DPY19L4: variants seen among roughly 807,000 people sequenced by gnomAD.
The protein encoded by DPY19L4 is probable C-mannosyltransferase DPY19L4.
Under a neutral mutation model 102.8 loss-of-function variants are expected in DPY19L4, and 97 were observed. That is an observed-to-expected ratio of 0.94 (90% CI 0.80 to 1.12). DPY19L4 has a LOEUF of 1.12. Among genes scored for constraint, DPY19L4 ranks in the 50% most tolerant of loss-of-function variants. The pLI, the probability that DPY19L4 is intolerant of heterozygous loss-of-function variation, is 0.00. For missense variants in DPY19L4, 815 were observed against 850.4 expected (o/e 0.96, Z 0.52); for synonymous variants, 252 against 283.1 (o/e 0.89, Z 1.10).
Position 94,719,950 on chromosome 8 carries a change from A to G in DPY19L4, c.-49A>G, listed in dbSNP as rs1308730329. 3 of 1,495,892 alleles carry G rather than the reference A, an allele frequency of 2.0e-6. No individual in the cohort carries two copies. The highest frequency in any genetic ancestry group is 2.7e-6 in the Non-Finnish European group (3 of 1,122,648). 92.7% of individuals were successfully genotyped at this position (1,495,892 alleles called of 1,614,324 possible). ...GGTTCGGCGACGCGGAGGGAGGGAG[A>G]GTCTGGGCCGCGCGGGAGCCGCAGG... On this transcript the variant is annotated 5_prime_UTR_variant, in exon 1 of 19. Transcript: ENST00000414645.
chr8:94,752,585 C>CAAA (rs370640228), intron 6 of DPY19L4, among the ~76,000 whole-genome samples: 17 of 80,156 alleles, frequency 2.1e-4, no homozygotes, highest in African/African-American at 5.1e-4. Flanking sequence ...GACTCCATCT[C>CAAA]AAAAAAAAAA....
At chr8:94,728,533 G>A (rs1280511660) in intron 2 of DPY19L4, among the ~76,000 whole-genome samples, 1 of 152,118 alleles carries the variant, frequency 6.6e-6, no homozygotes, top group Non-Finnish European at 1.5e-5. Context: ...TAAAAGTTGA[G>A]GCCTATATAT....
At chr8:94,770,062 A>G (rs1423858104) in intron 12 of DPY19L4, among the ~76,000 whole-genome samples, 1 of 151,682 alleles carries the variant, frequency 6.6e-6, no homozygotes, top group Non-Finnish European at 1.5e-5. Context: ...TAATTTTTAT[A>G]TTTTAATAGA....
rs765252290 is a variant in DPY19L4, at chr8:94,768,536, T to A, written c.1317T>A (p.Val439=). Residue 439 remains valine, a synonymous_variant, in exon 12 of 19, where the codon GTT becomes GTA. Transcript: ENST00000414645. ...LIICFLSMLQ[V]IFRRINGKSL... is the part of the protein sequence containing the mutation. ...TTTGTTTTCTTTCTATGTTGCAAGT[T>A]ATTTTTAGGAGGATTAAGTAAGTAC... 1.1e-5 allele frequency: 16 copies of A among 1,522,250 alleles called. No homozygotes were observed. Among genetic ancestry groups the A allele is most frequent in the Non-Finnish European group, 1.4e-5 (16 of 1,110,902 alleles). 94.3% of individuals were successfully genotyped at this position (1,522,250 alleles called of 1,614,324 possible).
chr8:94,737,255 G>T (rs540205065), intron 3 of DPY19L4, among the ~76,000 whole-genome samples: 38 of 151,938 alleles, frequency 2.5e-4, no homozygotes, highest in African/African-American at 8.9e-4. Context: ...GTGTGATCTC[G>T]CCTCACTGCA....
At chr8:94,776,178 G>A (rs541355012) in intron 13 of DPY19L4, among the ~76,000 whole-genome samples, 32 of 151,380 alleles carry the variant, frequency 2.1e-4, no homozygotes, top group Non-Finnish European at 2.7e-4. Context: ...GACTACAGGC[G>A]CCCACCACCA....
intron 1 of DPY19L4, among the ~76,000 whole-genome samples, chr8:94,725,998 T>C (rs966998774): frequency 2.6e-5 from 4 of 152,164 alleles, no homozygotes; most frequent in African/African-American, 9.7e-5. Context: ...TTAAGGTAAC[T>C]AGAATTATGA....
At chr8:94,766,892 CCAAA>C (rs1288523577) in intron 11 of DPY19L4, among the ~76,000 whole-genome samples, 2 of 151,282 alleles carry the variant, frequency 1.3e-5, no homozygotes, top group Admixed American at 6.6e-5. Flanking sequence ...AAAAAGACAA[CCAAA>C]CAAACAAACA....
chr8:94,727,986 G>A (rs1586306540), intron 2 of DPY19L4, among the ~76,000 whole-genome samples: 1 of 151,902 alleles, frequency 6.6e-6, no homozygotes, highest in African/African-American at 2.4e-5. Context: ...TCTTGAGACA[G>A]AGTCTCACCC....
At chr8:94,770,259 G>A (rs139789855) in intron 12 of DPY19L4, among the ~76,000 whole-genome samples, 193 bp from the exon 13 acceptor site, 106 of 152,138 alleles carry the variant, frequency 7.0e-4, no homozygotes, top group African/African-American at 2.5e-3. Flanking sequence ...AAAGCCATTC[G>A]CAGAAACTTA....
At chr8:94,773,871 CAA>C (rs71273373) in intron 13 of DPY19L4, among the ~76,000 whole-genome samples, 4 of 70,442 alleles carry the variant, frequency 5.7e-5, no homozygotes, top group South Asian at 5.4e-4. Flanking sequence ...CCCATCTCTA[CAA>C]AAAAAAAAAA....
At chr8:94,751,794 T>A (rs1811943941) in intron 6 of DPY19L4, among the ~76,000 whole-genome samples, 1 of 152,124 alleles carries the variant, frequency 6.6e-6, no homozygotes, top group African/African-American at 2.4e-5. Context: ...CCAGCATAAT[T>A]TGCTTTCAGT....
chr8:94,749,321 G>C (rs1467593224), intron 6 of DPY19L4, among the ~76,000 whole-genome samples: 5 of 152,202 alleles, frequency 3.3e-5, no homozygotes, highest in African/African-American at 1.2e-4. Flanking sequence ...GAAGATGTTG[G>C]GCACGGGAGT....
chr8:94,747,554 C>CTTTTT (rs1012621845), intron 6 of DPY19L4, among the ~76,000 whole-genome samples: 63 of 105,492 alleles, frequency 6.0e-4, no homozygotes, highest in Non-Finnish European at 7.2e-4. Flanking sequence ...TATGATGGTT[C>CTTTTT]TTTTTTTTTT....
At chr8:94,741,742 G>T (rs1811453657) in intron 6 of DPY19L4, among the ~76,000 whole-genome samples, 1 of 152,150 alleles carries the variant, frequency 6.6e-6, no homozygotes, top group Admixed American at 6.5e-5. Flanking sequence ...TTTCAGGCCG[G>T]CTCCTGAGTT....
In DPY19L4 at chr8:94,757,599, G is replaced by A. The variant is rs144932182; in HGVS notation, c.735+1440G>A. On this transcript the variant is annotated intron_variant, in intron 7 of 18. Coordinates refer to ENST00000414645, the MANE Select transcript of DPY19L4 (RefSeq NM_181787.3). ...TAATTTTTGTATTTTTAGTAGAGAC[G>A]GGGTATCACTATGTTGGCCAGTCTG... Among the ~76,000 whole-genome samples the A allele has an allele frequency of 1.2e-3, 185 of 151,988 alleles. 2 individuals are homozygous for A. The East Asian group carries it at 0.026, about 21-fold the overall frequency.
At chr8:94,769,798 A>G (rs1039539433) in intron 12 of DPY19L4, among the ~76,000 whole-genome samples, 3 of 152,210 alleles carry the variant, frequency 2.0e-5, no homozygotes, top group African/African-American at 7.2e-5. Context: ...TAGTTATTCA[A>G]ATTATCATTT....
Position 94,756,052 on chromosome 8 carries a change from A to C in DPY19L4, c.628A>C (p.Ile210Leu), listed in dbSNP as rs776919310. The change falls in exon 7 of 19, where the codon ATT becomes CTT. Residue 210 changes from isoleucine (I) to leucine (L), a missense_variant. By Grantham distance (5) the Ile-to-Leu change is conservative. Coordinates refer to ENST00000414645, the MANE Select transcript of DPY19L4 (RefSeq NM_181787.3). ...FVINRVDTTR[I>L]EYSIPLRENW... ...TTATTTTAGGGTAGATACAACAAGA[A>C]TTGAATACTCCATTCCTTTAAGAGA... is the stretch of plus-strand genomic sequence containing the variant. 5 of 1,611,982 alleles carry C rather than the reference A, an allele frequency of 3.1e-6. No individual in the cohort carries two copies. Among genetic ancestry groups the C allele is most frequent in the Non-Finnish European group, 4.2e-6 (5 of 1,179,752 alleles).
chr8:94,739,614 G>T, intron 5 of DPY19L4, 31 bp from the exon 6 acceptor site: 1 of 1,611,342 alleles, frequency 6.2e-7, no homozygotes, highest in Non-Finnish European at 8.5e-7. Flanking sequence ...CCATCCTATT[G>T]TCTTGTTCTC....
Sources: gnomAD v4.1 joint callset for allele counts (sites outside exome capture counted in the v4.1 genomes callset) on GRCh38, gnomAD v4.1.1 for gene constraint, MANE v1.5 for transcripts, NCBI Gene and HGNC (gene_info 2026-07-23, HGNC 2026-07-21) for gene names.